Variants in EYS observed in about 807,000 individuals in gnomAD.
EYS encodes protein eyes shut homolog.
Under a neutral mutation model 282.1 loss-of-function variants are expected in EYS, and 250 were observed. The observed-to-expected ratio is 0.89, with a 90% CI of 0.80 to 0.98. The LOEUF (loss-of-function observed/expected upper bound fraction) is 0.98. Ranked by LOEUF, EYS falls within the 50% of genes least tolerant of loss-of-function variation. The pLI, the probability that EYS is intolerant of heterozygous loss-of-function variation, is 0.00. For missense variants in EYS, 4,016 were observed against 3,709.0 expected (o/e 1.08, Z -2.15); for synonymous variants, 1,355 against 1,282.9 (o/e 1.06, Z -1.20).
At chr6:64,676,317 T>TATATATAA (rs1769673826) in intron 22 of EYS, among the ~76,000 whole-genome samples, 1 of 96,310 alleles carries the variant, frequency 1.0e-5, no homozygotes, top group East Asian at 2.9e-4. Flanking sequence ...CCAATATATC[T>TATATATAA]ATATATATAT....
chr6:64,814,203 T>A (rs1764681650), intron 21 of EYS, among the ~76,000 whole-genome samples: 1 of 152,090 alleles, frequency 6.6e-6, no homozygotes, highest in Non-Finnish European at 1.5e-5. Context: ...AGTGCAAATG[T>A]CTTGTAGAGT....
At chr6:64,181,848 G>A (rs2150311922) in intron 31 of EYS, among the ~76,000 whole-genome samples, 1 of 152,214 alleles carries the variant, frequency 6.6e-6, no homozygotes, top group African/African-American at 2.4e-5. Context: ...CACAGCTTTT[G>A]CAAGCAATTC....
chr6:64,946,169 T>A (rs1290382103), intron 14 of EYS, among the ~76,000 whole-genome samples: 1 of 152,058 alleles, frequency 6.6e-6, no homozygotes, highest in Non-Finnish European at 1.5e-5. Context: ...TTATGCATTA[T>A]GCTCACAATG....
chr6:65,008,149 C>A (rs1771743974), intron 13 of EYS, among the ~76,000 whole-genome samples: 1 of 152,084 alleles, frequency 6.6e-6, no homozygotes, highest in Non-Finnish European at 1.5e-5. Flanking sequence ...GCTAGAAGGA[C>A]TAAGGAAAAC....
chr6:64,663,925 A>T (rs1025292883), intron 22 of EYS, among the ~76,000 whole-genome samples: 1 of 152,220 alleles, frequency 6.6e-6, no homozygotes, highest in South Asian at 2.1e-4. Context: ...GTTAAGCTAG[A>T]TTAGGATGAA....
intron 2 of EYS, among the ~76,000 whole-genome samples, chr6:65,556,397 GT>G: frequency 6.6e-6 from 1 of 151,868 alleles, no homozygotes; most frequent in Non-Finnish European, 1.5e-5. Context: ...TTGTGTGTGT[GT>G]GTGTGTGTGT....
intron 22 of EYS, among the ~76,000 whole-genome samples, chr6:64,747,884 G>A (rs1772609736): frequency 6.6e-6 from 1 of 152,114 alleles, no homozygotes. Flanking sequence ...ATTGGGAGTG[G>A]GATAATTGCA....
chr6:63,951,094 G>A (rs1765575062), intron 35 of EYS, among the ~76,000 whole-genome samples: 2 of 151,924 alleles, frequency 1.3e-5, no homozygotes, highest in African/African-American at 4.8e-5. Flanking sequence ...TTCTCTCCGT[G>A]TCTCTACCCT....
chr6:63,886,354 G>T (rs561777042), intron 35 of EYS, among the ~76,000 whole-genome samples: 2 of 152,206 alleles, frequency 1.3e-5, no homozygotes, highest in African/African-American at 4.8e-5. Flanking sequence ...CAGTTTTCTA[G>T]GTTAGATAAC....
intron 8 of EYS, among the ~76,000 whole-genome samples, chr6:65,357,257 T>A (rs1301928336): frequency 6.6e-6 from 1 of 152,032 alleles, no homozygotes; most frequent in Admixed American, 6.6e-5. Context: ...TTCATAATGT[T>A]TATCTTCTTA....
chr6:65,320,012 G>T (rs1769426746), intron 11 of EYS, among the ~76,000 whole-genome samples: 1 of 151,740 alleles, frequency 6.6e-6, no homozygotes, highest in South Asian at 2.1e-4. Context: ...GAGAGTCTAG[G>T]TCTCACAGGT....
intron 31 of EYS, among the ~76,000 whole-genome samples, chr6:64,197,472 G>A (rs1765326620): frequency 6.6e-6 from 1 of 152,064 alleles, no homozygotes; most frequent in Admixed American, 6.6e-5. Context: ...AGGGTGAAAG[G>A]CATTTTTGTG....
At chr6:65,432,797 T>C (rs374097289) in intron 5 of EYS, among the ~76,000 whole-genome samples, 2 of 152,160 alleles carry the variant, frequency 1.3e-5, no homozygotes. Flanking sequence ...GACACTGACA[T>C]GGCAGCAATG....
intron 19 of EYS, among the ~76,000 whole-genome samples, chr6:64,855,879 C>T (rs924962952): frequency 2.0e-5 from 3 of 152,094 alleles, no homozygotes; most frequent in Non-Finnish European, 4.4e-5. Context: ...GTACTCTTTC[C>T]AGATTGGCCT....
intron 35 of EYS, among the ~76,000 whole-genome samples, chr6:63,888,737 A>G (rs780048435): frequency 6.6e-6 from 1 of 152,246 alleles, no homozygotes; most frequent in Non-Finnish European, 1.5e-5. Context: ...CTTCTCCCCC[A>G]AAGGATCACA....
intron 27 of EYS, among the ~76,000 whole-genome samples, chr6:64,438,213 AC>A: frequency 6.6e-6 from 1 of 151,896 alleles, no homozygotes; most frequent in East Asian, 1.9e-4. Context: ...GCAATCTCAA[AC>A]TTTTTGATCT....
intron 5 of EYS, among the ~76,000 whole-genome samples, chr6:65,410,571 A>T (rs1468164914): frequency 2.0e-5 from 3 of 147,958 alleles, no homozygotes; most frequent in African/African-American, 7.4e-5. Context: ...GTCTCTAGTA[A>T]CCACTGTCCT....
chr6:64,457,589 A>G (rs1366682049), intron 26 of EYS, among the ~76,000 whole-genome samples: 1 of 151,988 alleles, frequency 6.6e-6, no homozygotes, highest in Non-Finnish European at 1.5e-5. Context: ...TGAATTGACC[A>G]CTTTATCATA....
chr6:64,355,148 T>C (rs1290771438), intron 29 of EYS, among the ~76,000 whole-genome samples: 2 of 151,568 alleles, frequency 1.3e-5, no homozygotes, highest in Non-Finnish European at 3.0e-5. Context: ...CAATACAGAA[T>C]TAAAAAAAAT....
Sources: allele counts gnomAD v4.1 joint callset (sites outside exome capture counted in the v4.1 genomes callset), GRCh38; gene constraint gnomAD v4.1.1; transcripts MANE v1.5; gene names NCBI Gene and HGNC (gene_info 2026-07-23, HGNC 2026-07-21).